INF2: variants seen among roughly 807,000 people sequenced by gnomAD.
The protein encoded by INF2 is inverted formin 2.
A neutral mutation model predicts 123.5 loss-of-function variants in INF2; 43 were observed. That is an observed-to-expected ratio of 0.35 (90% CI 0.27 to 0.45). The LOEUF is 0.45. Among genes scored for constraint, INF2 ranks in the 20% least tolerant of loss-of-function variants. The pLI is 1.00. For synonymous variants in INF2, 851 were observed against 745.0 expected, an observed-to-expected ratio of 1.14 and a Z score of -2.32; for missense variants, 1,453 against 1,682.7, an observed-to-expected ratio of 0.86 and a Z score of 2.39.
rs1415795697 is a variant in INF2, at chr14:104,701,886, T to A, written c.391+130T>A. ...CGCAGCCAGGCAGGCAAGGAGGGCT[T>A]CCTGGAGGAGGACTGGCTTCCTGGG... On this transcript the variant is annotated intron_variant, in intron 2 of 22. Coordinates refer to ENST00000392634, the MANE Select transcript of INF2 (RefSeq NM_022489.4). The A allele has an allele frequency of 2.0e-5, 20 of 1,020,568 alleles. 1 individual carries two copies. Among genetic ancestry groups the A allele is most frequent in the Non-Finnish European group, 2.2e-5 (16 of 724,916 alleles). 63.2% of individuals were successfully genotyped at this position (1,020,568 alleles called of 1,614,324 possible). A position where few individuals can be genotyped will look rare whatever the true frequency, so the allele number is the denominator to read the frequency against.
chr14:104,713,654 C>A, intron 20 of INF2, 48 bp downstream of exon 20: 1 of 1,583,370 alleles, frequency 6.3e-7, no homozygotes, highest in South Asian at 1.1e-5. Flanking sequence ...GCCACTGTCC[C>A]TACCCTGTGC....
In INF2 at chr14:104,701,765, C is replaced by T. The variant is rs1257400310; in HGVS notation, c.391+9C>T. ...GCGCCAGCTCTCCCAGGGTGAGCCG[C>T]AGTGTGGGAGGGCCGCCCAGGCGGA... is the stretch of plus-strand genomic sequence containing the variant. On this transcript the variant is annotated intron_variant, in intron 2 of 22. Transcript: ENST00000392634. 4.7e-6 allele frequency: 7 copies of T among 1,494,242 alleles called. No individual in the cohort carries two copies. The highest frequency in any genetic ancestry group is 6.2e-6 in the Non-Finnish European group (7 of 1,121,434). 92.6% of individuals were successfully genotyped at this position (1,494,242 alleles called of 1,614,324 possible).
rs1025260702 is a variant in INF2, at chr14:104,720,197, C to G, written c.*1404C>G. The G allele has an allele frequency of 1.3e-5, 2 of 156,312 alleles. No individual in the cohort carries two copies. Among genetic ancestry groups the G allele is most frequent in the African/African-American group, 4.8e-5 (2 of 41,600 alleles). The allele number at this position is 156,312 out of a possible 1,614,324, so 9.7% of individuals were successfully genotyped here. A position where few individuals can be genotyped will look rare whatever the true frequency, so the allele number is the denominator to read the frequency against. On this transcript the variant is annotated 3_prime_UTR_variant, in exon 23 of 23. Transcript: ENST00000392634. Reference sequence around the variant, plus strand: ...ATCCTCACGGCAGGCTGTATCAGGACTTCATTCCATTTCATGGCTGAAGCA... The same window carrying G: ...ATCCTCACGGCAGGCTGTATCAGGAGTTCATTCCATTTCATGGCTGAAGCA...
At chr14:104,713,128 CAG>C (rs2036693590) in intron 18 of INF2, 77 bp from the exon 19 acceptor site, 4 of 1,603,612 alleles carry the variant, frequency 2.5e-6, no homozygotes, top group Non-Finnish European at 3.4e-6. Flanking sequence ...TGCTGCGGCT[CAG>C]GGAGGGGGAC....
chr14:104,709,398 C>A lies in INF2; in HGVS notation c.2052+15C>A. On this transcript the variant is annotated intron_variant, in intron 11 of 22. Coordinates refer to ENST00000392634, the MANE Select transcript of INF2 (RefSeq NM_022489.4). ...AGAAGCACGAGGTAAGAGGACCACC[C>A]CCACACCCCACCCCCAGTTAGTGCC... The A allele has an allele frequency of 6.3e-7, 1 of 1,584,316 alleles. No homozygotes were observed. Among genetic ancestry groups the A allele is most frequent in the Non-Finnish European group, 8.7e-7 (1 of 1,153,998 alleles).
chr14:104,721,479 A>C lies in INF2; in HGVS notation c.*2686A>C, dbSNP rs1460057174. 6.5e-6 allele frequency: 1 copy of C among 154,232 alleles called. No individual in the cohort carries two copies. The highest frequency in any genetic ancestry group is 1.4e-5 in the Non-Finnish European group (1 of 69,228). 9.6% of individuals were successfully genotyped at this position (154,232 alleles called of 1,614,324 possible). On this transcript the variant is annotated 3_prime_UTR_variant, in exon 23 of 23. Coordinates refer to ENST00000392634, the MANE Select transcript of INF2 (RefSeq NM_022489.4). ...GCGAGTTTTCGTTGCTCTGGGGTAGATTCGTAGCGGAGGAACAACTGGGCG... is the reference window on the plus strand; with the variant it reads ...GCGAGTTTTCGTTGCTCTGGGGTAGCTTCGTAGCGGAGGAACAACTGGGCG...
At chr14:104,710,851 A>G in intron 13 of INF2, 86 bp from the exon 14 acceptor site, 1 of 1,160,720 alleles carries the variant, frequency 8.6e-7, no homozygotes, top group South Asian at 1.4e-5. Context: ...GTGCAGGGGC[A>G]CTGGCAAGCA....
chr14:104,710,346 G>A (rs542541751), intron 13 of INF2, among the ~76,000 whole-genome samples, 158 bp downstream of exon 13: 1 of 115,446 alleles, frequency 8.7e-6, no homozygotes, highest in Non-Finnish European at 2.0e-5. Flanking sequence ...CCACCCTGCT[G>A]CCACCACCTC....
In INF2 at chr14:104,714,931, T is replaced by A. The variant is rs1045974023; in HGVS notation, c.3694+75T>A. The A allele has an allele frequency of 1.1e-5, 16 of 1,404,220 alleles. No homozygotes were observed. In the South Asian group the frequency reaches 2.4e-4, roughly 21 times the overall value. The allele number at this position is 1,404,220 out of a possible 1,614,324, so 87.0% of individuals were successfully genotyped here. ...CCCAGCCGGTCCCTCCCCTTCCCCA[T>A]TGGGCACTGCAAGTTCCAGCGGCAC... On this transcript the variant is annotated intron_variant, in intron 21 of 22. Transcript: ENST00000392634.
At position 104,714,349 on chromosome 14, in the gene INF2, C is replaced by G; in HGVS notation, c.3187C>G (p.Gln1063Glu). 6.3e-7 allele frequency: 1 copy of G among 1,596,208 alleles called. No individual in the cohort carries two copies. Among genetic ancestry groups the G allele is most frequent in the Non-Finnish European group, 8.5e-7 (1 of 1,172,088 alleles). Residue 1063 changes from glutamine to glutamate, a missense_variant, in exon 21 of 23, where the codon CAG becomes GAG. Physicochemically the swap from Gln to Glu is conservative, Grantham distance 29. Around this residue, in one of 8 missense-constraint regions of INF2, gnomAD observed 344 missense variants for 333.1 expected, o/e 1.03. Coordinates refer to ENST00000392634, the MANE Select transcript of INF2 (RefSeq NM_022489.4). ...VTPGPQPTLE[Q>E]LEEGGPRPLE... The stretch of plus-strand genomic sequence containing the variant: ...CCCCGGCCCTCAGCCCACCCTGGAG[C>G]AGTTGGAGGAGGGTGGTCCACGGCC...
chr14:104,706,300 G>T, intron 6 of INF2, 124 bp downstream of exon 6: 2 of 1,057,604 alleles, frequency 1.9e-6, no homozygotes, highest in Non-Finnish European at 2.7e-6. Context: ...CTGGGCCATG[G>T]TGCCAGCTTT....
chr14:104,709,000 C>G (rs1889914410), intron 10 of INF2, among the ~76,000 whole-genome samples: 1 of 152,328 alleles, frequency 6.6e-6, no homozygotes, highest in South Asian at 2.1e-4. Flanking sequence ...GCCCCCGAGT[C>G]CTTTCCTGCT....
intron 11 of INF2, 21 bp downstream of exon 11, chr14:104,709,404 C>G: frequency 6.4e-7 from 1 of 1,573,596 alleles, no homozygotes; most frequent in Non-Finnish European, 8.7e-7. Flanking sequence ...CACCCCCACA[C>G]CCCACCCCCA....
At chr14:104,716,994 C>G (rs1188944753) in intron 22 of INF2, among the ~76,000 whole-genome samples, 2 of 152,224 alleles carry the variant, frequency 1.3e-5, no homozygotes, top group African/African-American at 2.4e-5. Flanking sequence ...GCCCAGCCCC[C>G]ACCTTTTTAT....
Position 104,718,896 on chromosome 14 carries a change from C to A in INF2, c.*103C>A. 1 of 1,556,286 alleles carries A rather than the reference C, an allele frequency of 6.4e-7. No homozygotes were observed. The highest frequency in any genetic ancestry group is 8.6e-7 in the Non-Finnish European group (1 of 1,158,590). On this transcript the variant is annotated 3_prime_UTR_variant, in exon 23 of 23. Coordinates refer to ENST00000392634, the MANE Select transcript of INF2 (RefSeq NM_022489.4). ...TTCTGGGGGCCAGGCTGGGACTGGG[C>A]CCCGGAAACCAAAACTCCGTGCCTT...
At chr14:104,681,383 A>G in exon 1 of INF2, 1 of 455,406 alleles carries the variant, frequency 2.2e-6, no homozygotes. Context: ...CTTGGCCCTC[A>G]CCTTGGGGAC....
chr14:104,713,378 C>A, intron 19 of INF2, 67 bp from the exon 20 acceptor site: 1 of 1,569,626 alleles, frequency 6.4e-7, no homozygotes, highest in Non-Finnish European at 8.6e-7. Context: ...AGCCTCCCCA[C>A]CACCCCCAGC....
rs72715968 is a variant in INF2, at chr14:104,719,841, A to G, written c.*1048A>G. ...AGGGGCTGTCCCTGGAGCCCTCAGG[A>G]GGCAGTAAGAAACATCTAGAAGAGG... On this transcript the variant is annotated 3_prime_UTR_variant, in exon 23 of 23. Coordinates refer to ENST00000392634, the MANE Select transcript of INF2 (RefSeq NM_022489.4). The G allele has an allele frequency of 6.6e-6, 1 of 152,054 alleles. No homozygotes were observed. The highest frequency in any genetic ancestry group is 2.4e-5 in the African/African-American group (1 of 41,384). 9.4% of individuals were successfully genotyped at this position (152,054 alleles called of 1,614,324 possible).
Position 104,721,330 on chromosome 14 carries a change from C to T in INF2, c.*2537C>T, listed in dbSNP as rs1274201853. 8.1e-5 allele frequency: 11 copies of T among 135,032 alleles called. No homozygotes were observed. Among genetic ancestry groups the T allele is most frequent in the East Asian group, 6.9e-4 (3 of 4,324 alleles). The allele number at this position is 135,032 out of a possible 1,614,324, so 8.4% of individuals were successfully genotyped here. A position where few individuals can be genotyped will look rare whatever the true frequency, so the allele number is the denominator to read the frequency against. ...GTGTGGATGCTGCTGTGGACGTCTG[C>T]GTCGTCCTCGTGTGGATGCTGCTGT... is the stretch of plus-strand genomic sequence containing the variant. On this transcript the variant is annotated 3_prime_UTR_variant, in exon 23 of 23. Coordinates refer to ENST00000392634, the MANE Select transcript of INF2 (RefSeq NM_022489.4).
Sources: gnomAD v4.1 joint callset for allele counts (sites outside exome capture counted in the v4.1 genomes callset) on GRCh38, gnomAD v4.1.1 for gene constraint, gnomAD v4.1.1 regional missense constraint, MANE v1.5 for transcripts, NCBI Gene and HGNC (gene_info 2026-07-23, HGNC 2026-07-21) for gene names.